WDFY1: variants seen among roughly 807,000 people sequenced by gnomAD.
The protein encoded by WDFY1 is WD repeat and FYVE domain containing 1.
Under a neutral mutation model 56.4 loss-of-function variants are expected in WDFY1, and 32 were observed. The observed-to-expected ratio is 0.57, with a 90% CI of 0.43 to 0.76. The LOEUF (loss-of-function observed/expected upper bound fraction) is 0.76. WDFY1 is among the 30% of genes least tolerant of loss of function. WDFY1 has a pLI of 0.00. For synonymous variants in WDFY1, 192 were observed against 197.3 expected (o/e 0.97, Z 0.23); for missense variants, 480 against 545.7 (o/e 0.88, Z 1.20).
intron 1 of WDFY1, among the ~76,000 whole-genome samples, chr2:223,918,664 C>T (rs1693836207): frequency 6.6e-6 from 1 of 151,560 alleles, no homozygotes; most frequent in East Asian, 1.9e-4. Flanking sequence ...ATGTTCATTA[C>T]AAAATGACAT....
chr2:223,937,067 G>A (rs1001767468), intron 1 of WDFY1, among the ~76,000 whole-genome samples: 16 of 152,172 alleles, frequency 1.1e-4, no homozygotes, highest in African/African-American at 3.6e-4. Flanking sequence ...CAATGAACCC[G>A]ATCTTGAGGA....
chr2:223,900,238 G>C (rs938617206), intron 5 of WDFY1, among the ~76,000 whole-genome samples: 2 of 152,156 alleles, frequency 1.3e-5, no homozygotes, highest in Non-Finnish European at 2.9e-5. Flanking sequence ...CATTTTGAGA[G>C]GCCTAGCACG....
intron 3 of WDFY1, among the ~76,000 whole-genome samples, chr2:223,911,566 CCACACACACACACACACACACACACACA>C (rs58131865): frequency 7.4e-6 from 1 of 136,038 alleles, no homozygotes; most frequent in African/African-American, 2.8e-5. Flanking sequence ...AGCTGAATGA[CCACACACACACACACACACACACACACA>C]CACACACACA....
rs1028581904 is a variant in WDFY1, at chr2:223,899,042, C to G, written c.514G>C (p.Val172Leu). 5 of 1,614,012 alleles carry G rather than the reference C, an allele frequency of 3.1e-6. No individual in the cohort carries two copies. The Admixed American group carries it at 5.0e-5, about 16-fold the overall frequency. Residue 172 changes from valine (V) to leucine (L), a missense_variant, in exon 6 of 12, where the codon GTT (valine) becomes CTT (leucine). Coordinates refer to ENST00000233055, the MANE Select transcript of WDFY1 (RefSeq NM_020830.5). Reference sequence around the variant, plus strand: ...GTGATCTGCCCAGAATAATCACCAACGAAAGCATACTGAGTGTCAAAGTCA... The same window carrying G: ...GTGATCTGCCCAGAATAATCACCAAGGAAAGCATACTGAGTGTCAAAGTCA... ...QYDFDTQYAF[V>L]GDYSGQITLL...
chr2:223,939,884 G>A (rs1048065631), intron 1 of WDFY1, among the ~76,000 whole-genome samples: 2 of 152,292 alleles, frequency 1.3e-5, no homozygotes, highest in South Asian at 2.1e-4. Flanking sequence ...ACCACCCCTG[G>A]CCCAGAACCA....
intron 1 of WDFY1, among the ~76,000 whole-genome samples, chr2:223,929,156 T>A (rs1031861286): frequency 1.1e-4 from 16 of 149,042 alleles, no homozygotes; most frequent in Non-Finnish European, 2.4e-4. Flanking sequence ...TGTGTCCCTG[T>A]CTAACTTCTT....
chr2:223,889,058 C>A (rs1463246207), intron 8 of WDFY1, among the ~76,000 whole-genome samples: 2 of 151,842 alleles, frequency 1.3e-5, no homozygotes, highest in East Asian at 3.9e-4. Flanking sequence ...TGTCTGCCAC[C>A]ATGCCTGGCT....
At chr2:223,878,950 G>A (rs1202249817) in intron 11 of WDFY1, among the ~76,000 whole-genome samples, 5 of 152,242 alleles carry the variant, frequency 3.3e-5, no homozygotes, top group South Asian at 2.1e-4. Flanking sequence ...TTGGGAGACC[G>A]AGGCGGGTGT....
At chr2:223,881,584 G>A (rs963796521) in intron 10 of WDFY1, among the ~76,000 whole-genome samples, 1 of 152,168 alleles carries the variant, frequency 6.6e-6, no homozygotes, top group Non-Finnish European at 1.5e-5. Context: ...GAGGTCAGGA[G>A]TTCGAGACCA....
chr2:223,924,744 TTC>T (rs1248925941), intron 1 of WDFY1, among the ~76,000 whole-genome samples: 2 of 152,326 alleles, frequency 1.3e-5, no homozygotes, highest in Admixed American at 6.5e-5. Context: ...CCAAAATTGA[TTC>T]TTTTTTATGC....
chr2:223,927,972 G>C (rs1415839769), intron 1 of WDFY1, among the ~76,000 whole-genome samples: 1 of 152,018 alleles, frequency 6.6e-6, no homozygotes, highest in Non-Finnish European at 1.5e-5. Flanking sequence ...GAGAGAGAGA[G>C]ACAGACAGAC....
intron 1 of WDFY1, among the ~76,000 whole-genome samples, chr2:223,933,873 G>A (rs948024588): frequency 7.3e-6 from 1 of 136,474 alleles, no homozygotes; most frequent in African/African-American, 2.7e-5. Context: ...GAGGTGGAAG[G>A]ATCGTTTGAG....
chr2:223,894,303 G>C lies in WDFY1; in HGVS notation c.762C>G (p.Thr254=). Residue 254 remains threonine (T), a synonymous_variant, in exon 8 of 12, where the codon ACC becomes ACG. Transcript: ENST00000233055. ...KVQSLCYLQL[T]RQLVSCSSDG... ...CCGAGGAACAGGAGACGAGCTGCCTGGTGAGCTGAAGGTAGCACAGCGACT... is the reference window on the plus strand; with the variant it reads ...CCGAGGAACAGGAGACGAGCTGCCTCGTGAGCTGAAGGTAGCACAGCGACT... The C allele has an allele frequency of 6.2e-7, 1 of 1,614,172 alleles. No homozygotes were observed. Among genetic ancestry groups the C allele is most frequent in the African/African-American group, 1.3e-5 (1 of 75,054 alleles).
At chr2:223,911,274 A>AT (rs374995399) in intron 3 of WDFY1, among the ~76,000 whole-genome samples, 3 of 151,966 alleles carry the variant, frequency 2.0e-5, no homozygotes, top group South Asian at 2.1e-4. Context: ...TGGGTATGGG[A>AT]TTTTTTTGCA....
At chr2:223,921,277 T>C (rs1258434103) in intron 1 of WDFY1, among the ~76,000 whole-genome samples, 1 of 152,242 alleles carries the variant, frequency 6.6e-6, no homozygotes, top group Non-Finnish European at 1.5e-5. Flanking sequence ...CTATTCTGTA[T>C]GTGAACTGGA....
intron 6 of WDFY1, among the ~76,000 whole-genome samples, chr2:223,897,451 T>G (rs1693412270): frequency 6.7e-6 from 1 of 148,576 alleles, no homozygotes; most frequent in Non-Finnish European, 1.5e-5. Context: ...TGATCTTGGC[T>G]CACTGCAACC....
At chr2:223,896,722 A>C (rs1229431807) in intron 6 of WDFY1, among the ~76,000 whole-genome samples, 1 of 152,232 alleles carries the variant, frequency 6.6e-6, no homozygotes, top group Non-Finnish European at 1.5e-5. Context: ...GCAAACAGAA[A>C]CTACTTTATC....
At chr2:223,883,337 A>G (rs1025069975) in intron 9 of WDFY1, among the ~76,000 whole-genome samples, 2 of 152,240 alleles carry the variant, frequency 1.3e-5, no homozygotes, top group African/African-American at 4.8e-5. Context: ...TGATTTTGAC[A>G]TATTCTTTTA....
intron 4 of WDFY1, among the ~76,000 whole-genome samples, 191 bp from the exon 5 acceptor site, chr2:223,901,524 C>T (rs2106082598): frequency 6.6e-6 from 1 of 152,292 alleles, no homozygotes; most frequent in Middle Eastern, 3.4e-3. Flanking sequence ...CACAGGCTCT[C>T]TCCAAGGCGG....
Sources: allele counts gnomAD v4.1 joint callset (sites outside exome capture counted in the v4.1 genomes callset), GRCh38; gene constraint gnomAD v4.1.1; transcripts MANE v1.5; gene names NCBI Gene and HGNC (gene_info 2026-07-23, HGNC 2026-07-21).